The following FIGLA variants were observed in gnomAD, a reference collection of about 807,000 sequenced individuals.
FIGLA encodes the protein folliculogenesis specific bHLH transcription factor, also known as factor in the germline alpha.
A neutral mutation model predicts 21.5 loss-of-function variants in FIGLA; 17 were observed. The observed-to-expected ratio is 0.79, with a 90% CI of 0.54 to 1.19. The LOEUF is 1.19. Ranked by LOEUF, FIGLA falls within the 50% of genes most tolerant of loss-of-function variation. The pLI is 0.00. For synonymous variants in FIGLA, 129 were observed against 117.6 expected (o/e 1.10, Z -0.63); for missense variants, 282 against 285.0 (o/e 0.99, Z 0.08).
intron 3 of FIGLA, among the ~76,000 whole-genome samples, chr2:70,780,688 G>C (rs542039314): frequency 7.9e-5 from 12 of 152,188 alleles, no homozygotes; most frequent in Admixed American, 6.5e-5. Context: ...CCAGAAAGAC[G>C]GCTGCACAGT....
chr2:70,786,445 C>T (rs1000735420), intron 2 of FIGLA, among the ~76,000 whole-genome samples: 5 of 151,870 alleles, frequency 3.3e-5, no homozygotes, highest in African/African-American at 7.3e-5. Flanking sequence ...CTGGGACTAC[C>T]GGCGCCTGCC....
At chr2:70,790,382 G>C (rs1188595687) in intron 1 of FIGLA, 26 bp downstream of exon 1, 6 of 1,494,726 alleles carry the variant, frequency 4.0e-6, no homozygotes, top group Non-Finnish European at 5.4e-6. Context: ...AGGGGGGAAC[G>C]GACGTCGACC....
At chr2:70,782,875 T>C (rs1675880802) in intron 3 of FIGLA, among the ~76,000 whole-genome samples, 1 of 152,100 alleles carries the variant, frequency 6.6e-6, no homozygotes, top group South Asian at 2.1e-4. Flanking sequence ...GAGTCCAGCC[T>C]GGCCAACATG....
intron 4 of FIGLA, 32 bp downstream of exon 4, chr2:70,777,605 G>T: frequency 6.3e-7 from 1 of 1,597,770 alleles, no homozygotes; most frequent in South Asian, 1.1e-5. Flanking sequence ...GTTATAAATT[G>T]GCACTATGCA....
intron 3 of FIGLA, 125 bp downstream of exon 3, chr2:70,785,290 C>G (rs1177333517): frequency 1.2e-6 from 1 of 867,666 alleles, no homozygotes; most frequent in Non-Finnish European, 1.8e-6. Context: ...CACTGCCCCA[C>G]CCAAAGGCTT....
intron 3 of FIGLA, among the ~76,000 whole-genome samples, chr2:70,781,862 A>G (rs1675862196): frequency 6.6e-6 from 1 of 152,050 alleles, no homozygotes; most frequent in East Asian, 1.9e-4. Context: ...ACAGTTCTGC[A>G]TCTGGATTGC....
At chr2:70,781,359 T>G (rs1675852916) in intron 3 of FIGLA, among the ~76,000 whole-genome samples, 1 of 152,016 alleles carries the variant, frequency 6.6e-6, no homozygotes, top group Non-Finnish European at 1.5e-5. Context: ...AAAAAGGAAA[T>G]GATCAAATAA....
rs1354605004 is a variant in FIGLA at position 70,785,566 on chromosome 2, G to A, written c.458C>T (p.Ser153Leu). The A allele has an allele frequency of 6.2e-7, 1 of 1,613,838 alleles. No homozygotes were observed. The highest frequency in any genetic ancestry group is 1.3e-5 in the African/African-American group (1 of 74,906). ...GCTGATATGTTGGGTGATGTTTCTT[G>A]ACAGCTGTCTTGCCGAGGATGTATG... ...ESHTSSARQL[S>L]RNITQHISCA... Residue 153 changes from serine (S) to leucine (L), a missense_variant, in exon 3 of 5, where the codon TCA becomes TTA. Ser to Leu is a moderately radical substitution (Grantham distance 145, BLOSUM62 -2). Coordinates refer to ENST00000332372, the MANE Select transcript of FIGLA (RefSeq NM_001004311.3).
chr2:70,785,624 C>G lies in FIGLA; in HGVS notation c.400G>C (p.Glu134Gln). ...GAACTGTTGTTACTATAGCTCTGCTCATCTGGGTCTTGTTTCTGGAAACCA... is the reference window on the plus strand; with the variant it reads ...GAACTGTTGTTACTATAGCTCTGCTGATCTGGGTCTTGTTTCTGGAAACCA... ...AKDSKKQDPDEQSYSNNSSES... is the reference protein window; with the variant it reads ...AKDSKKQDPDQQSYSNNSSES... The change falls in exon 3 of 5, where the codon GAG becomes CAG. Residue 134 changes from glutamate (E) to glutamine (Q), a missense_variant. Physicochemically the swap from Glu to Gln is conservative, Grantham distance 29 (BLOSUM62 2). Coordinates refer to ENST00000332372, the MANE Select transcript of FIGLA (RefSeq NM_001004311.3). 6.2e-7 allele frequency: 1 copy of G among 1,613,634 alleles called. No homozygotes were observed. Among genetic ancestry groups the G allele is most frequent in the Non-Finnish European group, 8.5e-7 (1 of 1,179,594 alleles).
chr2:70,783,585 C>T (rs1675895520), intron 3 of FIGLA, among the ~76,000 whole-genome samples: 1 of 152,152 alleles, frequency 6.6e-6, no homozygotes. Flanking sequence ...CATGATGACA[C>T]CTACCTGACA....
At chr2:70,789,642 C>G (rs1455171998) in intron 1 of FIGLA, among the ~76,000 whole-genome samples, 1 of 152,194 alleles carries the variant, frequency 6.6e-6, no homozygotes, top group Non-Finnish European at 1.5e-5. Flanking sequence ...GCTCTGCTCC[C>G]TCTTCTACCC....
chr2:70,787,504 T>A, intron 2 of FIGLA, 145 bp downstream of exon 2: 4 of 895,856 alleles, frequency 4.5e-6, no homozygotes, highest in Non-Finnish European at 6.6e-6. Context: ...GGTTTCCTTC[T>A]CTGTCAAATA....
intron 4 of FIGLA, 31 bp from the exon 5 acceptor site, chr2:70,777,413 A>G (rs1218023599): frequency 6.3e-6 from 9 of 1,436,890 alleles, no homozygotes; most frequent in Middle Eastern, 1.8e-4. Context: ...CATTATAAAT[A>G]GTTAAAAATA....
At chr2:70,786,523 C>A (rs1675960227) in intron 2 of FIGLA, among the ~76,000 whole-genome samples, 1 of 152,118 alleles carries the variant, frequency 6.6e-6, no homozygotes, top group Non-Finnish European at 1.5e-5. Context: ...CCAGGATGGT[C>A]TCGATCTCCT....
intron 3 of FIGLA, among the ~76,000 whole-genome samples, chr2:70,781,454 T>TA (rs1486873828): frequency 6.6e-6 from 1 of 152,102 alleles, no homozygotes. Flanking sequence ...AATAAAATAA[T>TA]AAAAAATGAT....
At chr2:70,787,294 C>T (rs1279385288) in intron 2 of FIGLA, among the ~76,000 whole-genome samples, 2 of 152,124 alleles carry the variant, frequency 1.3e-5, no homozygotes, top group Non-Finnish European at 1.5e-5. Flanking sequence ...GGGAAACAAC[C>T]AAAGTGCTTT....
chr2:70,779,312 T>C, intron 3 of FIGLA, among the ~76,000 whole-genome samples: 1 of 152,148 alleles, frequency 6.6e-6, no homozygotes, highest in East Asian at 1.9e-4. Context: ...ATATGCCCCA[T>C]GGGCTATTGG....
At chr2:70,787,933 G>T in intron 1 of FIGLA, 132 bp from the exon 2 acceptor site, 1 of 842,520 alleles carries the variant, frequency 1.2e-6, no homozygotes. Context: ...ATGCCCCAAA[G>T]AGTCAGTGCT....
intron 3 of FIGLA, among the ~76,000 whole-genome samples, chr2:70,783,186 C>G (rs1675887941): frequency 6.6e-6 from 1 of 152,146 alleles, no homozygotes; most frequent in Non-Finnish European, 1.5e-5. Flanking sequence ...TCATACTTGA[C>G]AGAAGTGACA....
Sources: allele counts gnomAD v4.1 joint callset (sites outside exome capture counted in the v4.1 genomes callset), GRCh38; gene constraint gnomAD v4.1.1; transcripts MANE v1.5; gene names NCBI Gene and HGNC (gene_info 2026-07-23, HGNC 2026-07-21).